The following LHFPL1 variants were observed in gnomAD, a reference collection of about 807,000 sequenced individuals.
LHFPL1 encodes LHFPL tetraspan subfamily member 1 protein.
In LHFPL1, 4 loss-of-function variants were observed where a neutral mutation model predicts 12.1. That is an observed-to-expected ratio of 0.33 (90% CI 0.16 to 0.76). LHFPL1 has a LOEUF of 0.76. Ranked by LOEUF, LHFPL1 falls within the 30% of genes least tolerant of loss-of-function variation. The pLI, the probability that LHFPL1 is intolerant of heterozygous loss-of-function variation, is 0.61. For synonymous variants in LHFPL1, 52 were observed against 61.9 expected (o/e 0.84, Z 0.75); for missense variants, 141 against 174.1 (o/e 0.81, Z 1.07).
chrX:112,655,977 C>T (rs1930986942), intron 3 of LHFPL1, among the ~76,000 whole-genome samples: 1 of 111,921 alleles, frequency 8.9e-6, no homozygotes, highest in Non-Finnish European at 1.9e-5. Flanking sequence ...TGGCATTTTA[C>T]CTTAATCAAA....
chrX:112,641,590 C>G (rs1467646927), intron 3 of LHFPL1, among the ~76,000 whole-genome samples: 1 of 112,271 alleles, frequency 8.9e-6, no homozygotes, highest in African/African-American at 3.2e-5. Context: ...TACCACCTAT[C>G]TCACAGAGCA....
chrX:112,676,359 A>G, intron 1 of LHFPL1, among the ~76,000 whole-genome samples: 1 of 111,589 alleles, frequency 9.0e-6, no homozygotes, highest in East Asian at 2.8e-4. Context: ...GGAACCAAGA[A>G]CTCACCCTGA....
chrX:112,668,255 G>A (rs1450491503), intron 2 of LHFPL1, among the ~76,000 whole-genome samples: 1 of 112,185 alleles, frequency 8.9e-6, no homozygotes, highest in African/African-American at 3.2e-5. Context: ...GGCCGAAGAT[G>A]TCCAAAGATC....
intron 3 of LHFPL1, among the ~76,000 whole-genome samples, chrX:112,646,931 G>C (rs937793300): frequency 1.8e-5 from 2 of 112,015 alleles, no homozygotes; most frequent in African/African-American, 6.5e-5. Flanking sequence ...TGAGTTAGAA[G>C]ATAGGCTCCA....
chrX:112,659,002 C>T (rs962730576), intron 3 of LHFPL1, among the ~76,000 whole-genome samples: 17 of 111,953 alleles, frequency 1.5e-4, no homozygotes, highest in African/African-American at 5.5e-4. Flanking sequence ...AAACTTCTCG[C>T]TCAGTGAAAA....
At chrX:112,678,536 G>A (rs1294133696) in intron 1 of LHFPL1, among the ~76,000 whole-genome samples, 4 of 111,943 alleles carry the variant, frequency 3.6e-5, no homozygotes, top group Non-Finnish European at 7.5e-5. Flanking sequence ...GTATAAGCTG[G>A]GAATAAAATG....
chrX:112,642,894 T>C (rs1214524577), intron 3 of LHFPL1, among the ~76,000 whole-genome samples: 1 of 111,215 alleles, frequency 9.0e-6, no homozygotes, highest in Non-Finnish European at 1.9e-5. Flanking sequence ...TAATAGAAGA[T>C]GATCAGTGAG....
intron 3 of LHFPL1, among the ~76,000 whole-genome samples, chrX:112,643,393 A>AAG (rs1467359049): frequency 2.8e-5 from 3 of 109,081 alleles, no homozygotes; most frequent in Admixed American, 9.8e-5. Context: ...AAAAAAAAAA[A>AAG]AAAAAAGAAA....
intron 1 of LHFPL1, among the ~76,000 whole-genome samples, chrX:112,674,532 A>G (rs1283146750): frequency 9.0e-6 from 1 of 110,995 alleles, no homozygotes; most frequent in African/African-American, 3.3e-5. Context: ...AATCTTCACA[A>G]TCTATACATC....
intron 3 of LHFPL1, among the ~76,000 whole-genome samples, chrX:112,659,795 A>G (rs12353617): frequency 0.056 from 6,256 of 111,882 alleles, 432 homozygotes; most frequent in African/African-American, 0.19. Context: ...ACATTTGAGC[A>G]TCCACACTAG....
intron 3 of LHFPL1, among the ~76,000 whole-genome samples, chrX:112,643,378 CAAAAAAAAAAAA>C (rs1164744066): frequency 1.3e-3 from 51 of 38,941 alleles, no homozygotes; most frequent in African/African-American, 4.2e-3. Flanking sequence ...GACTCCGTCT[CAAAAAAAAAAAA>C]AAAAAAAAAG....
Position 112,664,275 on chromosome X carries a change from T to C in LHFPL1, c.383-3550A>G, listed in dbSNP as rs1931268602. Reference sequence around the variant, plus strand: ...GTTCCAAGAATTAATATACATAAAGTGCCTCGTACATAGCAAGTGCTCAAG... The same window carrying C: ...GTTCCAAGAATTAATATACATAAAGCGCCTCGTACATAGCAAGTGCTCAAG... On this transcript the variant is annotated intron_variant, in intron 2 of 3. Coordinates refer to ENST00000371968, the MANE Select transcript of LHFPL1 (RefSeq NM_178175.4). 2.7e-5 allele frequency among the ~76,000 whole-genome samples: 3 copies of C among 112,045 alleles called. No homozygotes were observed. The South Asian group carries it at 1.1e-3, about 42-fold the overall frequency.
chrX:112,640,516 A>G (rs1930470997), intron 3 of LHFPL1, among the ~76,000 whole-genome samples: 1 of 111,752 alleles, frequency 8.9e-6, no homozygotes, highest in African/African-American at 3.3e-5. Context: ...TCCTGAAGGC[A>G]ATGGGGAACC....
chrX:112,650,296 G>A (rs1045106278), intron 3 of LHFPL1, among the ~76,000 whole-genome samples: 2 of 111,060 alleles, frequency 1.8e-5, no homozygotes, highest in Non-Finnish European at 3.8e-5. Flanking sequence ...CCAAGCATTT[G>A]GTCATCTTAG....
At position 112,646,798 on chromosome X, in the gene LHFPL1, T is replaced by C. The variant is rs1229375213; in HGVS notation, c.481+13829A>G. On this transcript the variant is annotated intron_variant, in intron 3 of 3. Coordinates refer to ENST00000371968, the MANE Select transcript of LHFPL1 (RefSeq NM_178175.4). The stretch of plus-strand genomic sequence containing the variant: ...CATCACTAGGTACTTTCCATGATGT[T>C]TCAGACATTTGTTTCTGAAAACAAT... Among the ~76,000 whole-genome samples, 5 of 111,039 alleles carry C rather than the reference T, an allele frequency of 4.5e-5. 1 individual carries two copies. In the South Asian group the frequency reaches 1.9e-3, roughly 43 times the overall value.
intron 3 of LHFPL1, among the ~76,000 whole-genome samples, chrX:112,640,900 T>C (rs34687873): frequency 0.082 from 9,133 of 111,282 alleles, 403 homozygotes; most frequent in Non-Finnish European, 0.13. Context: ...CTTAAATTCT[T>C]TGTAGTTTTT....
intron 3 of LHFPL1, among the ~76,000 whole-genome samples, chrX:112,651,742 C>A (rs917312790): frequency 8.0e-5 from 9 of 112,149 alleles, no homozygotes; most frequent in Non-Finnish European, 1.3e-4. Context: ...TATGGCTCAG[C>A]CTCCTGACTG....
Position 112,631,297 on chromosome X carries a change from T to TAA in LHFPL1, c.*121_*122dup. Reference sequence around the variant, plus strand: ...AAGTGAAAATGAACGACAATTAGTTTAAAAAGCATGCAAACACTAGGCTAT... The same window carrying TAA: ...AAGTGAAAATGAACGACAATTAGTTTAAAAAAAGCATGCAAACACTAGGCTAT... On this transcript the variant is annotated 3_prime_UTR_variant, in exon 4 of 4. Coordinates refer to ENST00000371968, the MANE Select transcript of LHFPL1 (RefSeq NM_178175.4). 1 of 572,707 alleles carries TAA rather than the reference T, an allele frequency of 1.7e-6. No homozygotes were observed. 47.2% of individuals were successfully genotyped at this position (572,707 alleles called of 1,213,427 possible). A position where few individuals can be genotyped will look rare whatever the true frequency, so the allele number is the denominator to read the frequency against.
intron 1 of LHFPL1, among the ~76,000 whole-genome samples, chrX:112,672,262 C>G (rs780681975): frequency 8.0e-5 from 9 of 111,856 alleles, no homozygotes; most frequent in African/African-American, 2.9e-4. Context: ...TCAGGCACTC[C>G]CTACCTTGCA....
Sources: allele counts gnomAD v4.1 joint callset (sites outside exome capture counted in the v4.1 genomes callset), GRCh38; gene constraint gnomAD v4.1.1; transcripts MANE v1.5; gene names NCBI Gene and HGNC (gene_info 2026-07-23, HGNC 2026-07-21).